SH3RF3: variants seen among roughly 807,000 people sequenced by gnomAD.
SH3RF3 encodes SH3 domain containing ring finger 3.
Under a neutral mutation model 66.3 loss-of-function variants are expected in SH3RF3, and 29 were observed. The ratio of observed to expected loss-of-function variants is 0.44; its 90% CI spans 0.33 to 0.60. The LOEUF is 0.60. Among genes scored for constraint, SH3RF3 ranks in the 20% least tolerant of loss-of-function variants. The pLI is 0.04. For missense variants in SH3RF3, 1,194 were observed against 1,190.9 expected, an observed-to-expected ratio of 1.00 and a Z score of -0.04; for synonymous variants, 583 against 532.0, an observed-to-expected ratio of 1.10 and a Z score of -1.32.
chr2:109,441,272 A>G (rs1054898477), intron 7 of SH3RF3, among the ~76,000 whole-genome samples: 9 of 152,232 alleles, frequency 5.9e-5, no homozygotes, highest in African/African-American at 1.9e-4. Flanking sequence ...AACTGACCCC[A>G]AATTGACATA....
chr2:109,422,941 G>A (rs1279127180), intron 5 of SH3RF3, among the ~76,000 whole-genome samples: 1 of 152,094 alleles, frequency 6.6e-6, no homozygotes, highest in Middle Eastern at 3.2e-3. Flanking sequence ...GACGAAACAG[G>A]CATCAGACCG....
At chr2:109,318,576 T>C (rs1681942083) in intron 1 of SH3RF3, among the ~76,000 whole-genome samples, 1 of 152,222 alleles carries the variant, frequency 6.6e-6, no homozygotes, top group South Asian at 2.1e-4. Flanking sequence ...TTCAAAGTCA[T>C]GTGAGTAGAG....
At chr2:109,154,085 A>T (rs186620374) in intron 1 of SH3RF3, among the ~76,000 whole-genome samples, 4 of 152,294 alleles carry the variant, frequency 2.6e-5, no homozygotes, top group Non-Finnish European at 5.9e-5. Context: ...AACACTGTCA[A>T]TATGCTGTGG....
chr2:109,389,732 T>A (rs530579544), intron 3 of SH3RF3, among the ~76,000 whole-genome samples: 1 of 152,310 alleles, frequency 6.6e-6, no homozygotes, highest in Non-Finnish European at 1.5e-5. Context: ...TTTGGTCCAC[T>A]AGATAAATAC....
intron 1 of SH3RF3, among the ~76,000 whole-genome samples, chr2:109,325,532 T>G (rs1191990354): frequency 1.3e-5 from 2 of 151,932 alleles, no homozygotes; most frequent in African/African-American, 4.8e-5. Context: ...GGTTCCCCGC[T>G]TCCCCCAGTG....
intron 1 of SH3RF3, among the ~76,000 whole-genome samples, chr2:109,159,729 C>T (rs891194319): frequency 6.6e-6 from 1 of 152,112 alleles, no homozygotes; most frequent in African/African-American, 2.4e-5. Context: ...GCTTGATTTC[C>T]ATCTTTTGTC....
At chr2:109,279,265 C>A (rs1680827814) in intron 1 of SH3RF3, among the ~76,000 whole-genome samples, 1 of 152,184 alleles carries the variant, frequency 6.6e-6, no homozygotes, top group Non-Finnish European at 1.5e-5. Context: ...TAGCTCCTGC[C>A]ACGTCCTTTG....
intron 1 of SH3RF3, among the ~76,000 whole-genome samples, chr2:109,304,667 C>T (rs1449271372): frequency 1.3e-5 from 2 of 152,322 alleles, no homozygotes; most frequent in Non-Finnish European, 2.9e-5. Context: ...TAAAATTAAA[C>T]ATTTGATTTC....
intron 3 of SH3RF3, among the ~76,000 whole-genome samples, chr2:109,393,779 T>G (rs1676066057): frequency 6.6e-6 from 1 of 152,036 alleles, no homozygotes; most frequent in Non-Finnish European, 1.5e-5. Context: ...TACTTTGCGC[T>G]GTTTTTCTTT....
chr2:109,357,899 A>G (rs1682983622), intron 2 of SH3RF3, among the ~76,000 whole-genome samples: 1 of 152,224 alleles, frequency 6.6e-6, no homozygotes, highest in Admixed American at 6.5e-5. Flanking sequence ...ATTTGTTACA[A>G]TCAATGAGCC....
intron 1 of SH3RF3, among the ~76,000 whole-genome samples, chr2:109,327,545 A>G (rs1281159669): frequency 6.6e-6 from 1 of 152,248 alleles, no homozygotes; most frequent in Non-Finnish European, 1.5e-5. Flanking sequence ...TTGGAAATGC[A>G]TTTGAACTAT....
At chr2:109,496,515 C>T (rs1162916769) in intron 9 of SH3RF3, among the ~76,000 whole-genome samples, 1 of 152,218 alleles carries the variant, frequency 6.6e-6, no homozygotes. Context: ...GCTGTGACAT[C>T]TATGATAATA....
intron 1 of SH3RF3, among the ~76,000 whole-genome samples, chr2:109,316,162 C>T (rs1681875046): frequency 6.6e-6 from 1 of 152,180 alleles, no homozygotes; most frequent in Non-Finnish European, 1.5e-5. Context: ...GTGTTCAGAG[C>T]TGGTTTTGCT....
At chr2:109,188,429 A>G (rs1678253197) in intron 1 of SH3RF3, among the ~76,000 whole-genome samples, 1 of 152,202 alleles carries the variant, frequency 6.6e-6, no homozygotes, top group Non-Finnish European at 1.5e-5. Context: ...GGGCCCAGCC[A>G]TCCACACAAC....
At chr2:109,221,325 G>A (rs1455406598) in intron 1 of SH3RF3, among the ~76,000 whole-genome samples, 1 of 152,110 alleles carries the variant, frequency 6.6e-6, no homozygotes, top group African/African-American at 2.4e-5. Flanking sequence ...ACTCACGGCT[G>A]TAATCCCAGC....
rs1282853455 is a variant in SH3RF3, at chr2:109,129,596, A to T, written c.56A>T (p.Gln19Leu). 37 of 1,480,394 alleles carry T rather than the reference A, an allele frequency of 2.5e-5. No individual in the cohort carries two copies. Among genetic ancestry groups the T allele is most frequent in the Non-Finnish European group, 3.1e-5 (35 of 1,124,716 alleles). 91.7% of individuals were successfully genotyped at this position (1,480,394 alleles called of 1,614,324 possible). Reference protein sequence around the residue: ...CASKAAAAAAQSEGDEDRPGE... With the variant: ...CASKAAAAAALSEGDEDRPGE... ...TCCAAGGCGGCCGCCGCTGCTGCGC[A>T]GAGCGAGGGCGACGAGGACAGGCCA... is the stretch of plus-strand genomic sequence containing the variant. Residue 19 changes from glutamine to leucine, a missense_variant, in exon 1 of 10, where the codon CAG becomes CTG. Physicochemically the swap from Gln to Leu is moderately radical, Grantham distance 113. Coordinates refer to ENST00000309415, the MANE Select transcript of SH3RF3 (RefSeq NM_001099289.3).
At chr2:109,471,009 C>G (rs569607681) in intron 8 of SH3RF3, among the ~76,000 whole-genome samples, 1 of 152,174 alleles carries the variant, frequency 6.6e-6, no homozygotes, top group African/African-American at 2.4e-5. Flanking sequence ...CACTTGAGGT[C>G]AGGAGTTCGA....
At chr2:109,287,188 C>T (rs1268099689) in intron 1 of SH3RF3, among the ~76,000 whole-genome samples, 1 of 152,190 alleles carries the variant, frequency 6.6e-6, no homozygotes, top group Non-Finnish European at 1.5e-5. Context: ...AATTTTGCAT[C>T]CAAAATTTGC....
In SH3RF3 at chr2:109,432,591, G is replaced by T; in HGVS notation, c.1494G>T (p.Gln498His). The change falls in exon 6 of 10, where the codon CAG (glutamine) becomes CAT (histidine). Residue 498 changes from glutamine to histidine, a missense_variant. Gln to His is a conservative substitution (Grantham distance 24). Coordinates refer to ENST00000309415, the MANE Select transcript of SH3RF3 (RefSeq NM_001099289.3). ...TGTACCGGGTCCTCGAGAAGTGTCA[G>T]GATGGCTGGTTCAAGGGGGCGTCTC... ...GEMYRVLEKC[Q>H]DGWFKGASLR... The T allele has an allele frequency of 1.9e-6, 3 of 1,613,604 alleles. No individual in the cohort carries two copies. Among genetic ancestry groups the T allele is most frequent in the Non-Finnish European group, 2.5e-6 (3 of 1,179,756 alleles).
Sources: gnomAD v4.1 joint callset for allele counts (sites outside exome capture counted in the v4.1 genomes callset) on GRCh38, gnomAD v4.1.1 for gene constraint, MANE v1.5 for transcripts, NCBI Gene and HGNC (gene_info 2026-07-23, HGNC 2026-07-21) for gene names.